Variants in ARHGEF37 observed in about 807,000 individuals in gnomAD.
The protein encoded by ARHGEF37 is Rho guanine nucleotide exchange factor (GEF) 37.
Under a neutral mutation model 71.1 loss-of-function variants are expected in ARHGEF37, and 55 were observed. The observed-to-expected ratio is 0.77, with a 90% CI of 0.62 to 0.97. The LOEUF is 0.97. Ranked by LOEUF, ARHGEF37 falls within the 50% of genes least tolerant of loss-of-function variation. The pLI, the probability that ARHGEF37 is intolerant of heterozygous loss-of-function variation, is 0.00. For missense variants in ARHGEF37, 765 were observed against 836.8 expected (o/e 0.91, Z 1.06); for synonymous variants, 327 against 350.6 (o/e 0.93, Z 0.75).
chr5:149,618,417 C>T (rs2113366330), intron 6 of ARHGEF37, 111 bp downstream of exon 6: 2 of 1,484,922 alleles, frequency 1.3e-6, no homozygotes, highest in Non-Finnish European at 9.1e-7. Flanking sequence ...GCAATGGAGG[C>T]TGAGAGATTG....
intron 1 of ARHGEF37, among the ~76,000 whole-genome samples, chr5:149,560,584 T>C (rs1762816296): frequency 6.6e-6 from 1 of 152,206 alleles, no homozygotes; most frequent in Admixed American, 6.5e-5. Flanking sequence ...GACTTCAATG[T>C]TGTAATCTTT....
At chr5:149,586,137 A>G (rs1436601718) in intron 1 of ARHGEF37, among the ~76,000 whole-genome samples, 1 of 152,240 alleles carries the variant, frequency 6.6e-6, no homozygotes, top group Admixed American at 6.5e-5. Flanking sequence ...TGAGTCATAC[A>G]ACAAATAGAA....
At chr5:149,565,905 A>G (rs1388686082) in intron 1 of ARHGEF37, among the ~76,000 whole-genome samples, 1 of 135,278 alleles carries the variant, frequency 7.4e-6, no homozygotes, top group Non-Finnish European at 1.5e-5. Flanking sequence ...GCTAGAGTGC[A>G]ATGGTGCGAT....
intron 1 of ARHGEF37, among the ~76,000 whole-genome samples, chr5:149,558,666 A>G (rs1453866096): frequency 7.3e-5 from 11 of 150,396 alleles, no homozygotes; most frequent in Admixed American, 7.3e-4. Flanking sequence ...AGACAACCCA[A>G]TGATCTTTAA....
intron 1 of ARHGEF37, among the ~76,000 whole-genome samples, chr5:149,596,590 C>T (rs1033684839): frequency 6.6e-6 from 1 of 152,204 alleles, no homozygotes; most frequent in Non-Finnish European, 1.5e-5. Flanking sequence ...CAGGCGTGAG[C>T]CACCGCACCC....
At chr5:149,601,952 A>G (rs1338815802) in intron 3 of ARHGEF37, among the ~76,000 whole-genome samples, 1 of 152,196 alleles carries the variant, frequency 6.6e-6, no homozygotes, top group Non-Finnish European at 1.5e-5. Context: ...GCACAGCTTT[A>G]TAGGTCATGG....
In ARHGEF37 at chr5:149,621,747, A is replaced by G. The variant is rs1161033195; in HGVS notation, c.1020A>G (p.Glu340=). The G allele has an allele frequency of 3.7e-6, 6 of 1,611,564 alleles. No homozygotes were observed. Among genetic ancestry groups the G allele is most frequent in the Non-Finnish European group, 3.4e-6 (4 of 1,178,206 alleles). Residue 340 remains glutamate (E), a synonymous_variant, in exon 9 of 13, where the codon GAA becomes GAG. Transcript: ENST00000333677. ...EAFLKFKQRL[E]GLVWQPLCSL... The stretch of plus-strand genomic sequence containing the variant: ...TCTCCCCACAGAAGCAACGGCTAGA[A>G]GGCCTGGTGTGGCAGCCACTGTGCA...
chr5:149,560,844 C>T (rs1402367037), intron 1 of ARHGEF37, among the ~76,000 whole-genome samples: 1 of 152,158 alleles, frequency 6.6e-6, no homozygotes, highest in East Asian at 1.9e-4. Flanking sequence ...TACTCTTTGT[C>T]TTTTACAGCT....
chr5:149,605,488 A>T (rs1046148221), intron 3 of ARHGEF37, among the ~76,000 whole-genome samples: 2 of 152,162 alleles, frequency 1.3e-5, no homozygotes, highest in African/African-American at 4.8e-5. Context: ...GGGGTTCATC[A>T]TATTTCAAGT....
chr5:149,554,709 T>A (rs1762730147), intron 1 of ARHGEF37, among the ~76,000 whole-genome samples: 1 of 152,090 alleles, frequency 6.6e-6, no homozygotes, highest in African/African-American at 2.4e-5. Flanking sequence ...TCAGCCTTCT[T>A]CTTAAAGTCA....
intron 12 of ARHGEF37, 147 bp from the exon 13 acceptor site, chr5:149,631,835 G>C (rs1752892187): frequency 1.4e-6 from 1 of 730,864 alleles, no homozygotes; most frequent in Non-Finnish European, 2.3e-6. Flanking sequence ...ATTGCCTTTA[G>C]TACAAAAGAT....
chr5:149,611,064 G>A (rs1446536206), intron 4 of ARHGEF37, among the ~76,000 whole-genome samples: 4 of 152,192 alleles, frequency 2.6e-5, no homozygotes, highest in South Asian at 2.1e-4. Flanking sequence ...CTCACCTGTG[G>A]TCCTATGGTC....
intron 3 of ARHGEF37, among the ~76,000 whole-genome samples, chr5:149,603,631 C>T (rs921491575): frequency 1.3e-5 from 2 of 152,040 alleles, no homozygotes; most frequent in African/African-American, 4.8e-5. Context: ...AATTAAAGAA[C>T]AAGATTTTAA....
In ARHGEF37 at chr5:149,573,146, C is replaced by T. The variant is rs376831156; in HGVS notation, c.-12+21023C>T. On this transcript the variant is annotated intron_variant, in intron 1 of 2. Coordinates refer to the ARHGEF37 transcript ENST00000505810. ...ATTCCTGCAAGAACTAATCCAGTCC[C>T]ACCAGAGTAAGAATTTACTCACTAC... 3.1e-4 allele frequency among the ~76,000 whole-genome samples: 47 copies of T among 152,246 alleles called. 1 individual carries two copies. The South Asian group carries it at 4.8e-3, about 15-fold the overall frequency.
At chr5:149,608,801 C>T (rs1228233582) in intron 3 of ARHGEF37, among the ~76,000 whole-genome samples, 2 of 152,162 alleles carry the variant, frequency 1.3e-5, no homozygotes, top group Non-Finnish European at 2.9e-5. Flanking sequence ...AATCCAAGCT[C>T]ACACTGTAAC....
intron 12 of ARHGEF37, among the ~76,000 whole-genome samples, chr5:149,630,932 G>A (rs570141015): frequency 1.3e-5 from 2 of 152,172 alleles, no homozygotes; most frequent in Non-Finnish European, 2.9e-5. Flanking sequence ...TTGAGCCCTT[G>A]CTATGTATGT....
intron 12 of ARHGEF37, among the ~76,000 whole-genome samples, chr5:149,629,304 A>G (rs906516266): frequency 1.3e-5 from 2 of 152,214 alleles, no homozygotes; most frequent in African/African-American, 2.4e-5. Flanking sequence ...AAACTAAATC[A>G]TGGTCTTTGC....
chr5:149,560,277 G>A (rs946045558), intron 1 of ARHGEF37, among the ~76,000 whole-genome samples: 6 of 152,000 alleles, frequency 3.9e-5, no homozygotes, highest in African/African-American at 7.2e-5. Context: ...CACCACGCCC[G>A]ACTAATTTTG....
chr5:149,596,941 G>T (rs6893973), intron 1 of ARHGEF37, among the ~76,000 whole-genome samples: 3 of 152,010 alleles, frequency 2.0e-5, no homozygotes, highest in Admixed American at 2.0e-4. Context: ...GGCACACCAT[G>T]TTCACAAGCT....
Sources: allele counts gnomAD v4.1 joint callset (sites outside exome capture counted in the v4.1 genomes callset), GRCh38; gene constraint gnomAD v4.1.1; transcripts MANE v1.5; gene names NCBI Gene and HGNC (gene_info 2026-07-23, HGNC 2026-07-21).